Variants in TPM4 observed in about 807,000 individuals in gnomAD.
The protein encoded by TPM4 is tropomyosin 4.
In TPM4, 17 loss-of-function variants were observed where a neutral mutation model predicts 35.8. The ratio of observed to expected loss-of-function variants is 0.47; its 90% CI spans 0.32 to 0.71. The LOEUF (loss-of-function observed/expected upper bound fraction) is 0.71. TPM4 is among the 30% of genes least tolerant of loss of function. TPM4 has a pLI of 0.03. For synonymous variants in TPM4, 120 were observed against 122.9 expected (o/e 0.98, Z 0.15); for missense variants, 240 against 320.9 (o/e 0.75, Z 1.93).
chr19:16,069,838 CTG>C (rs1438937890), intron 2 of TPM4, among the ~76,000 whole-genome samples: 2 of 151,746 alleles, frequency 1.3e-5, no homozygotes, highest in East Asian at 3.9e-4. Context: ...GTGTCAGTGA[CTG>C]TTTCTGCTGG....
At chr19:16,081,606 G>T in intron 1 of TPM4, 1 of 187,426 alleles carries the variant, frequency 5.3e-6, no homozygotes, top group South Asian at 1.7e-4. Flanking sequence ...ACGTTGGCCA[G>T]GATGGTCTCG....
At position 16,078,291 on chromosome 19, in the gene TPM4, G is replaced by A. The variant is rs537794157; in HGVS notation, c.132+1594G>A. On this transcript the variant is annotated intron_variant, in intron 1 of 7. Transcript: ENST00000643579. Reference sequence around the variant, plus strand: ...TGTGCACAGACTCAGAGGCAAGAAAGTTGTATGATGAGGGTGGGGGGGTGT... The same window carrying A: ...TGTGCACAGACTCAGAGGCAAGAAAATTGTATGATGAGGGTGGGGGGGTGT... The A allele has an allele frequency of 7.9e-5, 31 of 393,756 alleles. No homozygotes were observed. In the East Asian group the frequency reaches 9.0e-4, roughly 11 times the overall value. The allele number at this position is 393,756 out of a possible 1,614,324, so 24.4% of individuals were successfully genotyped here.
At chr19:16,089,383 G>T (rs1483450533) in intron 5 of TPM4, among the ~76,000 whole-genome samples, 1 of 152,174 alleles carries the variant, frequency 6.6e-6, no homozygotes, top group East Asian at 1.9e-4. Context: ...TTCTTAGCGA[G>T]ATCTGAGCAT....
intron 7 of TPM4, among the ~76,000 whole-genome samples, chr19:16,097,000 C>T (rs1384660298): frequency 7.8e-6 from 1 of 127,688 alleles, no homozygotes; most frequent in Non-Finnish European, 1.6e-5. Context: ...GTTGCCCGGG[C>T]TGGAGTGCAG....
At chr19:16,081,763 T>G (rs1434621789) in intron 1 of TPM4, 150 bp from the exon 2 acceptor site, 2 of 1,034,616 alleles carry the variant, frequency 1.9e-6, no homozygotes. Flanking sequence ...ATACTGAAAT[T>G]TTGGTATGAG....
chr19:16,085,596 GAC>G (rs1374416376), intron 2 of TPM4, among the ~76,000 whole-genome samples: 1 of 152,108 alleles, frequency 6.6e-6, no homozygotes, highest in East Asian at 1.9e-4. Context: ...AGGGGGCACA[GAC>G]TCTGGAGTCA....
Position 16,088,959 on chromosome 19 carries a change from C to A in TPM4, c.456-86C>A, listed in dbSNP as rs372106286. The A allele has an allele frequency of 5.0e-6, 8 of 1,598,940 alleles. No individual in the cohort carries two copies. The African/African-American group carries it at 8.1e-5, about 16-fold the overall frequency. On this transcript the variant is annotated intron_variant, in intron 4 of 7. Coordinates refer to ENST00000643579, the MANE Select transcript of TPM4 (RefSeq NM_003290.3). ...ACCGGGGGAGCTGTGTAGGTTTCTC[C>A]TTTGGAAAATTTATTGTTGGGGCGA...
In TPM4 at chr19:16,086,558, A is replaced by G; in HGVS notation, c.384+18A>G. On this transcript the variant is annotated intron_variant, in intron 3 of 7. Transcript: ENST00000643579. ...ACGAGGAGGTGAGTGGGGCTGGCAG[A>G]TGGCGCAGCAGCAGGAAGTGGGAGG... 1 of 1,600,240 alleles carries G rather than the reference A, an allele frequency of 6.2e-7. No individual in the cohort carries two copies. Among genetic ancestry groups the G allele is most frequent in the Non-Finnish European group, 8.5e-7 (1 of 1,170,328 alleles).
intron 3 of TPM4, 118 bp downstream of exon 3, chr19:16,086,658 G>T (rs1419315176): frequency 1.3e-6 from 1 of 776,886 alleles, no homozygotes; most frequent in Non-Finnish European, 2.1e-6. Flanking sequence ...CTGTCCTCCT[G>T]CGTGAACATA....
intron 1 of TPM4, chr19:16,079,980 A>C (rs1019820132): frequency 1.2e-4 from 22 of 180,392 alleles, no homozygotes; most frequent in Non-Finnish European, 2.6e-4. Flanking sequence ...AGGATTACGG[A>C]TGTGAGCCAC....
chr19:16,080,273 TC>T (rs1568302422), intron 1 of TPM4: 1 of 206,818 alleles, frequency 4.8e-6, no homozygotes, highest in Non-Finnish European at 9.9e-6. Context: ...TAAAACCACT[TC>T]CCCCAGTGGG....
chr19:16,094,383 A>C (rs35246316), intron 7 of TPM4, among the ~76,000 whole-genome samples: 1 of 151,740 alleles, frequency 6.6e-6, no homozygotes, highest in African/African-American at 2.4e-5. Flanking sequence ...AAAATAGAAA[A>C]AATTAGCCAG....
chr19:16,072,664 C>G (rs1466931385), upstream of TPM4, among the ~76,000 whole-genome samples: 3 of 151,826 alleles, frequency 2.0e-5, no homozygotes, highest in African/African-American at 7.3e-5. Flanking sequence ...CACCTGTAAT[C>G]CCAGCACTTC....
At chr19:16,078,224 G>C (rs1402006198) in intron 1 of TPM4, 1 of 398,166 alleles carries the variant, frequency 2.5e-6, no homozygotes, top group Non-Finnish European at 4.4e-6. Flanking sequence ...GTTGAGCTGG[G>C]TCTTATAGAA....
At chr19:16,076,437 G>T, upstream of TPM4, 1 of 1,346,150 alleles carries the variant, frequency 7.4e-7, no homozygotes, top group Non-Finnish European at 9.4e-7. Context: ...CCCGGGGGGC[G>T]GGGAGAGGCG....
chr19:16,093,697 C>T lies in TPM4; in HGVS notation c.608C>T (p.Ala203Val). 6.2e-7 allele frequency: 1 copy of T among 1,614,134 alleles called. No individual in the cohort carries two copies. The highest frequency in any genetic ancestry group is 8.5e-7 in the Non-Finnish European group (1 of 1,180,040). The change falls in exon 7 of 8, where the codon GCT becomes GTT. Residue 203 changes from alanine (A) to valine (V), a missense_variant. By Grantham distance (64) the Ala-to-Val change is moderately conservative (BLOSUM62 0). Transcript: ENST00000643579. ...CTTCTTATCTAGGCTGAGACCCGTG[C>T]TGAATTTGCAGAGAGAACGGTTGCA... ...SDKLKEAETR[A>V]EFAERTVAKL... is the part of the protein sequence containing the mutation.
At position 16,095,715 on chromosome 19, in the gene TPM4, G is replaced by A. The variant is rs571215130; in HGVS notation, c.664+1962G>A. The A allele has an allele frequency of 3.9e-5, 18 of 457,346 alleles. No homozygotes were observed. The East Asian group carries it at 1.6e-3, about 41-fold the overall frequency. The allele number at this position is 457,346 out of a possible 1,614,324, so 28.3% of individuals were successfully genotyped here. On this transcript the variant is annotated intron_variant, in intron 7 of 7. Transcript: ENST00000643579. ...AACTGGGCATGTGCTCTCAGATACC[G>A]CTGTTAGCTAACGGCATCTGCATGC...
chr19:16,084,272 G>A (rs2090521498), intron 2 of TPM4, among the ~76,000 whole-genome samples: 1 of 152,212 alleles, frequency 6.6e-6, no homozygotes, highest in South Asian at 2.1e-4. Context: ...ACCAGCTAAG[G>A]AATCTTGGAG....
At chr19:16,096,220 C>T (rs966137202) in intron 7 of TPM4, among the ~76,000 whole-genome samples, 12 of 152,144 alleles carry the variant, frequency 7.9e-5, no homozygotes, top group South Asian at 2.1e-4. Flanking sequence ...TGAGCCATCA[C>T]GCCTGGCCAT....
Sources: gnomAD v4.1 joint callset for allele counts (sites outside exome capture counted in the v4.1 genomes callset) on GRCh38, gnomAD v4.1.1 for gene constraint, MANE v1.5 for transcripts, NCBI Gene and HGNC (gene_info 2026-07-23, HGNC 2026-07-21) for gene names.